Variants in SPATA22 observed in about 807,000 individuals in gnomAD.
SPATA22 encodes the protein spermatogenesis-associated protein 22.
In SPATA22, 29 loss-of-function variants were observed where a neutral mutation model predicts 47.8. That is an observed-to-expected ratio of 0.61 (90% confidence interval 0.45 to 0.83). The LOEUF (loss-of-function observed/expected upper bound fraction) is 0.83, where lower values mean the gene tolerates loss of function less well. SPATA22 is among the 40% of genes least tolerant of loss of function. The pLI is 0.00. For synonymous variants in SPATA22, 133 were observed against 140.9 expected (o/e 0.94, Z 0.40); for missense variants, 410 against 421.7 (o/e 0.97, Z 0.24).
upstream of SPATA22, among the ~76,000 whole-genome samples, chr17:3,475,113 A>C (rs529707755): frequency 1.1e-4 from 17 of 152,386 alleles, no homozygotes; most frequent in African/African-American, 3.4e-4. Flanking sequence ...CGTTACTAGT[A>C]CATGGTATTC....
chr17:3,444,821 T>G (rs1422556152), intron 7 of SPATA22, among the ~76,000 whole-genome samples: 1 of 152,118 alleles, frequency 6.6e-6, no homozygotes, highest in Admixed American at 6.6e-5. Context: ...TGCTAGACAC[T>G]AAAGTGTAGT....
intron 1 of SPATA22, chr17:3,489,182 A>G (rs2073777881): frequency 3.6e-6 from 4 of 1,105,728 alleles, no homozygotes; most frequent in Non-Finnish European, 5.5e-6. Flanking sequence ...GCTTAGTTTT[A>G]TAATATATTT....
chr17:3,497,872 T>G (rs930751083), intron 1 of SPATA22, among the ~76,000 whole-genome samples: 1 of 152,134 alleles, frequency 6.6e-6, no homozygotes, highest in African/African-American at 2.4e-5. Context: ...AATCAGAATC[T>G]TCATCTTAAC....
At chr17:3,499,227 C>A (rs1552830) in intron 1 of SPATA22, 696,864 of 697,022 alleles carry the variant, frequency 1, 348,353 homozygotes, top group Middle Eastern at 1. Context: ...CATCTAAGCA[C>A]ATTTCTTAAA....
chr17:3,443,518 A>T (rs2072643989), intron 7 of SPATA22, among the ~76,000 whole-genome samples: 2 of 152,030 alleles, frequency 1.3e-5, no homozygotes, highest in African/African-American at 4.8e-5. Context: ...ATTGACAATA[A>T]ATGGCCATCT....
At chr17:3,492,463 T>C (rs974835145) in intron 1 of SPATA22, among the ~76,000 whole-genome samples, 1 of 152,230 alleles carries the variant, frequency 6.6e-6, no homozygotes, top group African/African-American at 2.4e-5. Context: ...TAGATTTTAA[T>C]TCTTCCCTTT....
chr17:3,471,322 C>T, intron 1 of SPATA22: 4 of 638,714 alleles, frequency 6.3e-6, no homozygotes, highest in Non-Finnish European at 7.8e-6. Flanking sequence ...CTTACGAGGG[C>T]TATTATGTTT....
chr17:3,507,996 C>A (rs942970902), intron 1 of SPATA22, among the ~76,000 whole-genome samples: 3 of 152,170 alleles, frequency 2.0e-5, no homozygotes, highest in African/African-American at 7.2e-5. Flanking sequence ...ATGTGAATCA[C>A]GTACAATCCC....
At chr17:3,451,911 C>T (rs367944440) in intron 5 of SPATA22, among the ~76,000 whole-genome samples, 2 of 150,408 alleles carry the variant, frequency 1.3e-5, no homozygotes, top group African/African-American at 2.4e-5. Context: ...TGCACCACTG[C>T]ACTCCAGCCT....
chr17:3,476,192 A>G (rs772315191), upstream of SPATA22: 23 of 1,613,956 alleles, frequency 1.4e-5, no homozygotes, highest in Non-Finnish European at 1.9e-5. Context: ...AAGAACATAT[A>G]CAAAAGGTTG....
chr17:3,467,449 T>C lies in SPATA22; in HGVS notation c.149A>G (p.Tyr50Cys), dbSNP rs1274211523. The change falls in exon 3 of 9, where the codon TAT becomes TGT. Residue 50 changes from tyrosine (Y) to cysteine (C), a missense_variant. Physicochemically the swap from Tyr to Cys is radical, Grantham distance 194 (BLOSUM62 -2). Coordinates refer to ENST00000572969, the MANE Select transcript of SPATA22 (RefSeq NM_001170698.2). ...DSGISTPSDNYDFPPLPTDWA... is the reference protein window; with the variant it reads ...DSGISTPSDNCDFPPLPTDWA... Reference sequence around the variant, plus strand: ...ACCTGTAGGTAGAGGAGGAAAATCATAATTGTCAGAAGGGGTACTGATACC... The same window carrying C: ...ACCTGTAGGTAGAGGAGGAAAATCACAATTGTCAGAAGGGGTACTGATACC... The C allele has an allele frequency of 1.9e-6, 3 of 1,601,588 alleles. No individual in the cohort carries two copies. The highest frequency in any genetic ancestry group is 2.6e-6 in the Non-Finnish European group (3 of 1,175,252).
intron 3 of SPATA22, among the ~76,000 whole-genome samples, chr17:3,464,850 G>A (rs1353212664): frequency 3.9e-5 from 5 of 129,132 alleles, no homozygotes; most frequent in African/African-American, 1.3e-4. Context: ...GAAGTGAGGA[G>A]CGTCTCCGCC....
chr17:3,453,385 T>G (rs770060798), intron 5 of SPATA22, among the ~76,000 whole-genome samples: 6 of 152,142 alleles, frequency 3.9e-5, no homozygotes, highest in Non-Finnish European at 5.9e-5. Flanking sequence ...CAATCAATGT[T>G]ATACACCACA....
exon 1 of SPATA22, chr17:3,513,708 G>C: frequency 2.1e-6 from 1 of 485,936 alleles, no homozygotes; most frequent in East Asian, 3.1e-5. Context: ...TGTTTGCCAA[G>C]TAACAAAATC....
At chr17:3,467,929 C>G (rs2073351018) in intron 2 of SPATA22, among the ~76,000 whole-genome samples, 1 of 152,146 alleles carries the variant, frequency 6.6e-6, no homozygotes, top group African/African-American at 2.4e-5. Context: ...TGAGGAAGAA[C>G]CAAACTCTGA....
At chr17:3,497,298 G>A (rs1288244305) in intron 1 of SPATA22, among the ~76,000 whole-genome samples, 1 of 152,160 alleles carries the variant, frequency 6.6e-6, no homozygotes. Context: ...CACCGGTTCA[G>A]AGAAATAGTT....
chr17:3,448,991 G>A lies in SPATA22; in HGVS notation c.488C>T (p.Pro163Leu), dbSNP rs1005492090. Residue 163 changes from proline to leucine, a missense_variant, in exon 6 of 9, where the codon CCT (proline) becomes CTT (leucine). Transcript: ENST00000572969. The part of the protein sequence containing the change: ...QQQKQLRIPE[P>L]PNLSRNKETE... Reference sequence around the variant, plus strand: ...TTCTTTGTTGCGAGATAAGTTAGGAGGTTCAGGTATTCTTAATTGTTTTTG... The same window carrying A: ...TTCTTTGTTGCGAGATAAGTTAGGAAGTTCAGGTATTCTTAATTGTTTTTG... The A allele has an allele frequency of 1.9e-6, 3 of 1,613,850 alleles. No individual in the cohort carries two copies. The African/African-American group carries it at 4.0e-5, about 22-fold the overall frequency.
chr17:3,460,345 TTC>T (rs1185584097), intron 5 of SPATA22, among the ~76,000 whole-genome samples: 1 of 152,196 alleles, frequency 6.6e-6, no homozygotes, highest in Non-Finnish European at 1.5e-5. Flanking sequence ...ATGAATAATT[TTC>T]TTTTTACCTT....
At chr17:3,447,099 A>G (rs538730481) in intron 6 of SPATA22, among the ~76,000 whole-genome samples, 1 of 152,182 alleles carries the variant, frequency 6.6e-6, no homozygotes, top group Non-Finnish European at 1.5e-5. Flanking sequence ...TGGAGGATTT[A>G]AAAAATAAGT....
Sources: allele counts gnomAD v4.1 joint callset (sites outside exome capture counted in the v4.1 genomes callset), GRCh38; gene constraint gnomAD v4.1.1; transcripts MANE v1.5; gene names NCBI Gene and HGNC (gene_info 2026-07-23, HGNC 2026-07-21).